The following TNIK variants were observed in gnomAD, a reference collection of about 807,000 sequenced individuals.
TNIK encodes the protein TRAF2 and NCK interacting kinase.
TNIK carries 49 observed loss-of-function variants against 191.3 expected under a neutral mutation model. The ratio of observed to expected loss-of-function variants is 0.26; its 90% CI spans 0.20 to 0.32. The LOEUF (loss-of-function observed/expected upper bound fraction) is 0.32. TNIK is among the 10% of genes least tolerant of loss of function. The probability of loss-of-function intolerance (pLI) is 1.00; values close to 1 mark genes in which losing one functional copy is unlikely to be tolerated. For missense variants in TNIK, 1,155 were observed against 1,702.3 expected (o/e 0.68, Z 5.66); for synonymous variants, 594 against 600.9 (o/e 0.99, Z 0.17).
At chr3:171,202,470 T>G (rs1331250624) in intron 4 of TNIK, among the ~76,000 whole-genome samples, 1 of 152,048 alleles carries the variant, frequency 6.6e-6, no homozygotes, top group Admixed American at 6.6e-5. Context: ...ACAATATAAA[T>G]AGGAACATAG....
chr3:171,282,055 C>T (rs1487295412), intron 2 of TNIK, among the ~76,000 whole-genome samples: 1 of 152,182 alleles, frequency 6.6e-6, no homozygotes, highest in African/African-American at 2.4e-5. Flanking sequence ...CCACTTACAG[C>T]AGACTTGAGG....
chr3:171,287,175 C>T (rs1388806131), intron 2 of TNIK, among the ~76,000 whole-genome samples: 5 of 151,954 alleles, frequency 3.3e-5, no homozygotes, highest in African/African-American at 7.3e-5. Context: ...TTCCCATAGG[C>T]CAACTGAAAA....
chr3:171,266,863 A>C (rs1748466090), intron 2 of TNIK, among the ~76,000 whole-genome samples: 1 of 152,218 alleles, frequency 6.6e-6, no homozygotes, highest in African/African-American at 2.4e-5. Context: ...TCTCCAAAGC[A>C]GATGATTATC....
chr3:171,234,846 C>G (rs985264612), intron 2 of TNIK, among the ~76,000 whole-genome samples: 1 of 152,092 alleles, frequency 6.6e-6, no homozygotes, highest in Non-Finnish European at 1.5e-5. Context: ...TGAGGGGTGA[C>G]GAGAACTCAA....
chr3:171,138,946 T>C (rs183186713), intron 14 of TNIK, among the ~76,000 whole-genome samples: 207 of 152,222 alleles, frequency 1.4e-3, no homozygotes, highest in Non-Finnish European at 2.5e-3. Context: ...TGGAGAGCAG[T>C]GCTATAATAA....
intron 3 of TNIK, among the ~76,000 whole-genome samples, chr3:171,212,019 G>A (rs1740892264): frequency 6.6e-6 from 1 of 152,138 alleles, no homozygotes; most frequent in African/African-American, 2.4e-5. Context: ...TATACACATT[G>A]GTTGGACTGC....
intron 2 of TNIK, among the ~76,000 whole-genome samples, chr3:171,335,709 A>T (rs1577522819): frequency 6.6e-6 from 1 of 152,288 alleles, no homozygotes; most frequent in East Asian, 1.9e-4. Context: ...TTTGGCTATT[A>T]TGACTAAAGC....
chr3:171,104,621 G>T (rs550091571), intron 21 of TNIK, among the ~76,000 whole-genome samples: 1 of 152,024 alleles, frequency 6.6e-6, no homozygotes, highest in African/African-American at 2.4e-5. Context: ...CTAAAAAGGC[G>T]CTCTTTTAGG....
intron 23 of TNIK, among the ~76,000 whole-genome samples, chr3:171,088,851 C>T (rs535227294): frequency 6.6e-6 from 1 of 152,314 alleles, no homozygotes; most frequent in South Asian, 2.1e-4. Context: ...GATGATTTCC[C>T]TCTCTGCCTT....
chr3:171,244,134 G>A (rs1745318957), intron 2 of TNIK, among the ~76,000 whole-genome samples: 9 of 149,548 alleles, frequency 6.0e-5, no homozygotes, highest in Admixed American at 5.4e-4. Context: ...GTGCGATCTC[G>A]GCTCACTGCA....
chr3:171,104,520 A>G (rs1724341983), intron 21 of TNIK, among the ~76,000 whole-genome samples: 2 of 143,828 alleles, frequency 1.4e-5, no homozygotes. Flanking sequence ...TACAGAGTAA[A>G]TGTGAAGATA....
At chr3:171,320,574 G>A (rs915251730) in intron 2 of TNIK, among the ~76,000 whole-genome samples, 1 of 152,152 alleles carries the variant, frequency 6.6e-6, no homozygotes, top group Non-Finnish European at 1.5e-5. Flanking sequence ...CAAGGTAAGA[G>A]TTTCCCATCA....
intron 2 of TNIK, among the ~76,000 whole-genome samples, chr3:171,256,099 G>GA (rs879484172): frequency 1.4e-4 from 21 of 148,766 alleles, no homozygotes; most frequent in South Asian, 4.3e-4. Flanking sequence ...TCCCAACAAG[G>GA]AAAAAAAAAA....
At chr3:171,218,814 AT>A (rs1174010953) in intron 3 of TNIK, among the ~76,000 whole-genome samples, 6 of 141,526 alleles carry the variant, frequency 4.2e-5, no homozygotes, top group East Asian at 2.0e-4. Context: ...TTAAATACAT[AT>A]TTTTATATAT....
chr3:171,312,353 AC>A (rs1754133961), intron 2 of TNIK, among the ~76,000 whole-genome samples: 1 of 151,970 alleles, frequency 6.6e-6, no homozygotes, highest in African/African-American at 2.4e-5. Context: ...GTTCTATGTA[AC>A]TATATGTAGT....
rs141012082 is a variant in TNIK at position 171,168,178 on chromosome 3, T to G, written c.774-908A>C. On this transcript the variant is annotated intron_variant, in intron 9 of 32. Coordinates refer to ENST00000436636, the MANE Select transcript of TNIK (RefSeq NM_015028.4). The stretch of plus-strand genomic sequence containing the variant: ...TGATTCATGAGTTAAGCACGCATGT[T>G]CTTGCTGAAAGTTCCAAGAAATTGT... 1.4e-3 allele frequency among the ~76,000 whole-genome samples: 213 copies of G among 152,350 alleles called. 1 individual carries two copies. The highest frequency in any genetic ancestry group is 5.0e-3 in the African/African-American group (208 of 41,582).
At chr3:171,354,521 T>C (rs1432236419) in intron 2 of TNIK, among the ~76,000 whole-genome samples, 2 of 152,132 alleles carry the variant, frequency 1.3e-5, no homozygotes, top group African/African-American at 4.8e-5. Context: ...TTGGGCTTCC[T>C]GAGAAACAAG....
chr3:171,390,331 C>T (rs1040313165), intron 1 of TNIK, among the ~76,000 whole-genome samples: 19 of 152,216 alleles, frequency 1.2e-4, no homozygotes, highest in Middle Eastern at 6.8e-3. Flanking sequence ...ACTGCCACAC[C>T]GTGTTTGAAT....
At chr3:171,198,302 ATT>A (rs1560249713) in intron 4 of TNIK, among the ~76,000 whole-genome samples, 353 of 152,098 alleles carry the variant, frequency 2.3e-3, no homozygotes, top group African/African-American at 8.0e-3. Context: ...AAGGCCATAT[ATT>A]GTATGATTCC....
Sources: gnomAD v4.1 joint callset for allele counts (sites outside exome capture counted in the v4.1 genomes callset) on GRCh38, gnomAD v4.1.1 for gene constraint, MANE v1.5 for transcripts, NCBI Gene and HGNC (gene_info 2026-07-23, HGNC 2026-07-21) for gene names.